Variants in AZIN2 observed in about 807,000 individuals in gnomAD.
The protein encoded by AZIN2 is antizyme inhibitor 2.
AZIN2 carries 28 observed loss-of-function variants against 47.8 expected under a neutral mutation model. That is an observed-to-expected ratio of 0.59 (90% CI 0.43 to 0.80). The LOEUF is 0.80. Ranked by LOEUF, AZIN2 falls within the 30% of genes least tolerant of loss-of-function variation. The pLI, the probability that AZIN2 is intolerant of heterozygous loss-of-function variation, is 0.00. For missense variants in AZIN2, 535 were observed against 582.5 expected (o/e 0.92, Z 0.84); for synonymous variants, 221 against 239.4 (o/e 0.92, Z 0.71).
At chr1:33,144,528 C>T in the AZIN2 span, among the ~76,000 whole-genome samples, 2 of 152,228 alleles carry the variant, frequency 1.3e-5, no homozygotes, top group Non-Finnish European at 2.9e-5. Context: ...AAAATACTGT[C>T]CTGGGCCCGA....
chr1:33,135,287 AAAACAAAC>A, the AZIN2 span, among the ~76,000 whole-genome samples: 12 of 152,062 alleles, frequency 7.9e-5, no homozygotes, highest in African/African-American at 7.2e-5. Flanking sequence ...GACTCTCTCA[AAAACAAAC>A]AAACAAACAA....
chr1:33,157,240 C>T, the AZIN2 span, among the ~76,000 whole-genome samples: 2 of 152,164 alleles, frequency 1.3e-5, no homozygotes, highest in Non-Finnish European at 1.5e-5. Flanking sequence ...TCTCACTCAT[C>T]TCCCTCCAGC....
chr1:33,161,223 T>C, the AZIN2 span, among the ~76,000 whole-genome samples: 1 of 152,206 alleles, frequency 6.6e-6, no homozygotes, highest in Non-Finnish European at 1.5e-5. This position sits in a 1 kb window ranked among gnomAD's most constrained non-coding sequence, Gnocchi z 4.3. Flanking sequence ...GAAGTCTTCA[T>C]TGAGAGACGG....
chr1:33,156,556 T>TC, the AZIN2 span, among the ~76,000 whole-genome samples: 1 of 152,136 alleles, frequency 6.6e-6, no homozygotes, highest in African/African-American at 2.4e-5. Flanking sequence ...CTTGGCTGGG[T>TC]CCCCCTCTTG....
chr1:33,117,042 GTC>G (rs1286915391), intron 10 of AZIN2, among the ~76,000 whole-genome samples: 2 of 152,204 alleles, frequency 1.3e-5, no homozygotes, highest in Non-Finnish European at 2.9e-5. Context: ...GTTGTCCAGA[GTC>G]TGTTACAAAT....
downstream of AZIN2, among the ~76,000 whole-genome samples, chr1:33,123,588 G>GC (rs1644833769): frequency 6.6e-6 from 1 of 152,244 alleles, no homozygotes; most frequent in Non-Finnish European, 1.5e-5. Context: ...TATAAGGCCA[G>GC]CTGTGGTGGC....
At chr1:33,105,889 G>C (rs1570115440) in intron 10 of AZIN2, among the ~76,000 whole-genome samples, 2 of 152,198 alleles carry the variant, frequency 1.3e-5, no homozygotes, top group East Asian at 3.8e-4. Context: ...AGTTACCCCA[G>C]TCCATGAAGA....
the AZIN2 span, among the ~76,000 whole-genome samples, chr1:33,135,841 C>T: frequency 6.6e-6 from 1 of 152,214 alleles, no homozygotes; most frequent in Non-Finnish European, 1.5e-5. Context: ...TTGCCTATCT[C>T]AGTGCCTAGC....
chr1:33,095,075 A>G (rs1266646744), intron 8 of AZIN2, among the ~76,000 whole-genome samples: 1 of 152,214 alleles, frequency 6.6e-6, no homozygotes, highest in Non-Finnish European at 1.5e-5. Context: ...CAGGGAAACG[A>G]AAACCAACCT....
At chr1:33,134,017 G>A in the AZIN2 span, among the ~76,000 whole-genome samples, 1 of 152,188 alleles carries the variant, frequency 6.6e-6, no homozygotes. Flanking sequence ...GCCAAGGCTG[G>A]CTTCTCTGAG....
At chr1:33,138,626 CAA>C in the AZIN2 span, among the ~76,000 whole-genome samples, 25 of 66,100 alleles carry the variant, frequency 3.8e-4, no homozygotes, top group East Asian at 1.7e-3. Flanking sequence ...ACAACAACAA[CAA>C]AAAAAAAAAA....
At chr1:33,107,378 G>A (rs1368627932) in intron 10 of AZIN2, among the ~76,000 whole-genome samples, 3 of 151,954 alleles carry the variant, frequency 2.0e-5, no homozygotes, top group African/African-American at 7.3e-5. Flanking sequence ...TCAGGAGTTC[G>A]AGACCAGCCT....
At chr1:33,095,821 C>T (rs912578844) in intron 8 of AZIN2, among the ~76,000 whole-genome samples, 1 of 152,058 alleles carries the variant, frequency 6.6e-6, no homozygotes, top group African/African-American at 2.4e-5. Flanking sequence ...TGTATTCTTA[C>T]AATAAAGTAA....
At chr1:33,111,581 A>C (rs2124635485) in intron 10 of AZIN2, among the ~76,000 whole-genome samples, 1 of 152,074 alleles carries the variant, frequency 6.6e-6, no homozygotes, top group South Asian at 2.1e-4. Context: ...AATTGATAAG[A>C]GATTAGTAGA....
chr1:33,101,021 C>G (rs1441469259), intron 10 of AZIN2, among the ~76,000 whole-genome samples: 4 of 152,122 alleles, frequency 2.6e-5, no homozygotes, highest in Non-Finnish European at 5.9e-5. Context: ...GCCACCATGC[C>G]TGGCTAATTT....
downstream of AZIN2, among the ~76,000 whole-genome samples, chr1:33,127,923 C>T (rs1644868476): frequency 6.6e-6 from 1 of 152,114 alleles, no homozygotes; most frequent in African/African-American, 2.4e-5. Flanking sequence ...ACAAGGACTC[C>T]TACCCTCCAC....
At chr1:33,137,442 T>C in the AZIN2 span, among the ~76,000 whole-genome samples, 1 of 152,186 alleles carries the variant, frequency 6.6e-6, no homozygotes, top group East Asian at 1.9e-4. Context: ...TATAATTGGA[T>C]TCAACTAATC....
chr1:33,104,055 G>C (rs1350768786), intron 10 of AZIN2, among the ~76,000 whole-genome samples: 1 of 151,936 alleles, frequency 6.6e-6, no homozygotes, highest in East Asian at 1.9e-4. Flanking sequence ...GCTAATTTCT[G>C]TATTTTTAGT....
In AZIN2 at chr1:33,120,429, G is replaced by A; in HGVS notation, c.*247G>A. ...GCCTCCTCTGCAGTGCAAGGGGCCT[G>A]GTCAGCCAGGTGTGGGGGTGTTCTT... On this transcript the variant is annotated 3_prime_UTR_variant, in exon 12 of 12. Transcript: ENST00000294517. 1 of 498,424 alleles carries A rather than the reference G, an allele frequency of 2.0e-6. No individual in the cohort carries two copies. Among genetic ancestry groups the A allele is most frequent in the Non-Finnish European group, 3.4e-6 (1 of 290,230 alleles). The allele number at this position is 498,424 out of a possible 1,614,324, so 30.9% of individuals were successfully genotyped here.
Sources: allele counts gnomAD v4.1 joint callset (sites outside exome capture counted in the v4.1 genomes callset), GRCh38; gene constraint gnomAD v4.1.1; non-coding constraint Gnocchi (gnomAD v3.1); transcripts MANE v1.5; gene names NCBI Gene and HGNC (gene_info 2026-07-23, HGNC 2026-07-21).